The following DNMBP variants were observed in gnomAD, a reference collection of about 807,000 sequenced individuals.
The protein encoded by DNMBP is dynamin binding protein, also known as dynamin-binding protein.
A neutral mutation model predicts 150.0 loss-of-function variants in DNMBP; 87 were observed. The ratio of observed to expected loss-of-function variants is 0.58; its 90% CI spans 0.49 to 0.69. The LOEUF (loss-of-function observed/expected upper bound fraction) is 0.69, where lower values mean the gene tolerates loss of function less well. Among genes scored for constraint, DNMBP ranks in the 30% least tolerant of loss-of-function variants. The pLI is 0.00. For missense variants in DNMBP, 1,774 were observed against 1,949.0 expected (o/e 0.91, Z 1.69); for synonymous variants, 711 against 750.4 (o/e 0.95, Z 0.86).
chr10:99,930,512 T>C (rs1300695440), intron 4 of DNMBP: 1 of 703,032 alleles, frequency 1.4e-6, no homozygotes, highest in South Asian at 1.5e-5. Context: ...CACTTTCATG[T>C]GCTTCCCCAC....
chr10:99,902,852 C>T (rs1267055530), intron 6 of DNMBP, among the ~76,000 whole-genome samples: 1 of 151,436 alleles, frequency 6.6e-6, no homozygotes, highest in East Asian at 2.0e-4. Context: ...CGTTTGAACC[C>T]AGGAGGCAGA....
chr10:99,913,125 G>A (rs1421963829), intron 4 of DNMBP, among the ~76,000 whole-genome samples: 1 of 151,900 alleles, frequency 6.6e-6, no homozygotes, highest in Non-Finnish European at 1.5e-5. Flanking sequence ...TGAGACACCC[G>A]TCTCTAAAAA....
chr10:99,932,887 TA>T (rs2040176801), intron 4 of DNMBP, among the ~76,000 whole-genome samples: 2 of 151,498 alleles, frequency 1.3e-5, no homozygotes, highest in Non-Finnish European at 2.9e-5. Flanking sequence ...GATACCAATC[TA>T]ATGGAAAAAG....
At chr10:99,902,476 A>G (rs1449328942) in intron 6 of DNMBP, among the ~76,000 whole-genome samples, 1 of 150,228 alleles carries the variant, frequency 6.7e-6, no homozygotes, top group African/African-American at 2.4e-5. Context: ...CGCCTGGCTC[A>G]TTTTTGTATT....
intron 4 of DNMBP, among the ~76,000 whole-genome samples, chr10:99,915,706 C>T (rs1425426361): frequency 1.3e-5 from 2 of 152,248 alleles, no homozygotes; most frequent in East Asian, 1.9e-4. Flanking sequence ...CAGAGTGAGA[C>T]CCTGTGTCAA....
At chr10:99,980,275 T>C (rs2040768633) in intron 1 of DNMBP, among the ~76,000 whole-genome samples, 1 of 151,928 alleles carries the variant, frequency 6.6e-6, no homozygotes, top group Non-Finnish European at 1.5e-5. Flanking sequence ...CGAAACCCTA[T>C]CTCTACTAAA....
Position 99,885,874 on chromosome 10 carries a change from C to T in DNMBP, c.3619-8G>A, listed in dbSNP as rs1466255046. On this transcript the variant is annotated splice_region_variant and splice_polypyrimidine_tract_variant and intron_variant, in intron 13 of 16. Coordinates refer to ENST00000324109, the MANE Select transcript of DNMBP (RefSeq NM_015221.4). ...GCCAGCCACTTTGAGTAACTGGGGTCCATGGGAAGAGCAGAGATAGAGAAA... is the reference window on the plus strand; with the variant it reads ...GCCAGCCACTTTGAGTAACTGGGGTTCATGGGAAGAGCAGAGATAGAGAAA... The T allele has an allele frequency of 6.2e-7, 1 of 1,605,238 alleles. No homozygotes were observed. Among genetic ancestry groups the T allele is most frequent in the South Asian group, 1.1e-5 (1 of 89,354 alleles).
At chr10:99,881,763 T>C (rs2039370375) in intron 15 of DNMBP, among the ~76,000 whole-genome samples, 1 of 152,190 alleles carries the variant, frequency 6.6e-6, no homozygotes, top group South Asian at 2.1e-4. Context: ...CGTGTCCCAC[T>C]TTTAATCTCT....
intron 11 of DNMBP, among the ~76,000 whole-genome samples, chr10:99,892,401 T>A (rs1224105034): frequency 2.1e-5 from 3 of 140,780 alleles, no homozygotes; most frequent in Non-Finnish European, 4.6e-5. Flanking sequence ...CTTTTCATTT[T>A]GTTCTGCACT....
At chr10:100,004,083 A>G (rs1018523534) in intron 1 of DNMBP, among the ~76,000 whole-genome samples, 1 of 150,494 alleles carries the variant, frequency 6.6e-6, no homozygotes, top group Non-Finnish European at 1.5e-5. Flanking sequence ...ATTACAAAAA[A>G]AAAAAAGAAA....
intron 1 of DNMBP, among the ~76,000 whole-genome samples, chr10:99,995,012 T>A (rs952974843): frequency 2.0e-5 from 3 of 151,898 alleles, no homozygotes; most frequent in Non-Finnish European, 4.4e-5. Flanking sequence ...GGCTTCAGCC[T>A]CCCAAGCAGC....
intron 4 of DNMBP, among the ~76,000 whole-genome samples, chr10:99,946,949 G>T (rs1364830813): frequency 6.6e-6 from 1 of 152,120 alleles, no homozygotes; most frequent in Non-Finnish European, 1.5e-5. Context: ...CATACAAGTG[G>T]CCAACAAATA....
intron 4 of DNMBP, among the ~76,000 whole-genome samples, chr10:99,939,656 C>T (rs1402879098): frequency 6.6e-6 from 1 of 152,230 alleles, no homozygotes; most frequent in Non-Finnish European, 1.5e-5. Flanking sequence ...TGAAAGGTCA[C>T]CAAGTCAGAA....
At chr10:99,894,795 C>T (rs188232398) in intron 11 of DNMBP, 151 bp downstream of exon 11, 5 of 597,012 alleles carry the variant, frequency 8.4e-6, no homozygotes, top group African/African-American at 5.5e-5. Context: ...TGTTAAATAA[C>T]CTACTGGCAT....
chr10:99,894,138 G>T (rs966391661), intron 11 of DNMBP, among the ~76,000 whole-genome samples: 10 of 152,096 alleles, frequency 6.6e-5, no homozygotes, highest in Non-Finnish European at 1.5e-4. Flanking sequence ...AATTAGCCAG[G>T]TGTGGTGGTG....
At chr10:100,002,998 C>T (rs1200411304) in intron 1 of DNMBP, among the ~76,000 whole-genome samples, 1 of 152,124 alleles carries the variant, frequency 6.6e-6, no homozygotes, top group East Asian at 1.9e-4. Context: ...GCTGTTTTGA[C>T]ACAGTTCTAG....
At chr10:99,933,799 C>T (rs993511078) in intron 4 of DNMBP, among the ~76,000 whole-genome samples, 1 of 152,150 alleles carries the variant, frequency 6.6e-6, no homozygotes, top group Non-Finnish European at 1.5e-5. Context: ...TGCAGTGGCG[C>T]GATCTTGGCT....
intron 4 of DNMBP, among the ~76,000 whole-genome samples, chr10:99,940,255 G>C (rs1016485407): frequency 6.6e-6 from 1 of 152,178 alleles, no homozygotes; most frequent in Admixed American, 6.5e-5. Flanking sequence ...GAGGTTAAGT[G>C]CACAGGCTTT....
At chr10:100,002,447 T>C (rs2041025024) in intron 1 of DNMBP, among the ~76,000 whole-genome samples, 1 of 152,200 alleles carries the variant, frequency 6.6e-6, no homozygotes, top group African/African-American at 2.4e-5. Context: ...TTTCTTGAGA[T>C]ATAATTTAGT....
Sources: gnomAD v4.1 joint callset for allele counts (sites outside exome capture counted in the v4.1 genomes callset) on GRCh38, gnomAD v4.1.1 for gene constraint, MANE v1.5 for transcripts, NCBI Gene and HGNC (gene_info 2026-07-23, HGNC 2026-07-21) for gene names.